The following ANKRD30A variants were observed in gnomAD, a reference collection of about 807,000 sequenced individuals.
ANKRD30A encodes ankyrin repeat domain 30A.
In ANKRD30A, 170 loss-of-function variants were observed where a neutral mutation model predicts 166.3. The ratio of observed to expected loss-of-function variants is 1.02; its 90% CI spans 0.90 to 1.16. The LOEUF is 1.16. Among genes scored for constraint, ANKRD30A ranks in the 50% most tolerant of loss-of-function variants. The pLI, the probability that ANKRD30A is intolerant of heterozygous loss-of-function variation, is 0.00. For synonymous variants in ANKRD30A, 564 were observed against 508.9 expected, an observed-to-expected ratio of 1.11 and a Z score of -1.46; for missense variants, 1,630 against 1,518.0, an observed-to-expected ratio of 1.07 and a Z score of -1.23.
At chr10:37,178,408 T>C in intron 24 of ANKRD30A, 4 of 579,974 alleles carry the variant, frequency 6.9e-6, no homozygotes, top group Non-Finnish European at 8.8e-6. Flanking sequence ...CTGAAAACCT[T>C]GTTAACAATT....
At chr10:37,195,321 A>T (rs1398798189) in intron 27 of ANKRD30A, among the ~76,000 whole-genome samples, 1 of 152,166 alleles carries the variant, frequency 6.6e-6, no homozygotes, top group South Asian at 2.1e-4. Context: ...TTGGTTACAG[A>T]TTCATTCTGT....
rs544159122 is a variant in ANKRD30A, at chr10:37,193,131, A to G, written c.2541+39A>G. On this transcript the variant is annotated intron_variant, in intron 26 of 35. Transcript: ENST00000361713. ...TATTTTTATCTTGAGTATTAACTAC[A>G]TATTTTATGAAGTATACATTGTATA... The G allele has an allele frequency of 2.5e-5, 40 of 1,605,976 alleles. 1 individual carries two copies. Among genetic ancestry groups the G allele is most frequent in the South Asian group, 1.5e-4 (14 of 90,484 alleles).
chr10:37,147,985 G>A (rs529579717), intron 9 of ANKRD30A, among the ~76,000 whole-genome samples: 1 of 152,294 alleles, frequency 6.6e-6, no homozygotes, highest in East Asian at 1.9e-4. Context: ...ATGCAGAATT[G>A]TGTTTTATTT....
chr10:37,129,149 T>C (rs1405809558), intron 1 of ANKRD30A, among the ~76,000 whole-genome samples: 1 of 152,206 alleles, frequency 6.6e-6, no homozygotes, highest in Non-Finnish European at 1.5e-5. Flanking sequence ...TCAGTGTTAA[T>C]CCTGTGACTA....
rs1842511501 is a variant in ANKRD30A at position 37,214,654 on chromosome 10, A to C, written c.2870-1527A>C. Among the ~76,000 whole-genome samples, 5 of 150,706 alleles carry C rather than the reference A, an allele frequency of 3.3e-5. No homozygotes were observed. In the South Asian group the frequency reaches 6.2e-4, roughly 19 times the overall value. On this transcript the variant is annotated intron_variant, in intron 31 of 35. Transcript: ENST00000361713. The stretch of plus-strand genomic sequence containing the variant: ...ATAAGTTTATTTGGTTATTAGGTAT[A>C]ACTCTTTGCTTTGCTGTCTTAGTGG...
chr10:37,142,732 G>A (rs1402349821), intron 7 of ANKRD30A, among the ~76,000 whole-genome samples: 6 of 151,798 alleles, frequency 4.0e-5, no homozygotes, highest in East Asian at 1.9e-4. Context: ...AGGATTACAC[G>A]TGCCCACCAC....
rs1437780561 is a variant in ANKRD30A, at chr10:37,216,192, C to T, written c.2881C>T (p.Leu961=). Residue 961 remains leucine, a synonymous_variant, in exon 32 of 36, where the codon CTA becomes TTA. Coordinates refer to ENST00000361713, the MANE Select transcript of ANKRD30A (RefSeq NM_052997.3). ...ISGKLEDSTS[L]SKILDTVHSC... ...CCTCCTTGAGACAGATTCAACTAGC[C>T]TATCAAAAATCTTGGATACAGTTCA... The T allele has an allele frequency of 2.5e-6, 4 of 1,596,990 alleles. No homozygotes were observed. The highest frequency in any genetic ancestry group is 3.4e-6 in the Non-Finnish European group (4 of 1,169,098).
At chr10:37,200,756 C>T (rs188947064) in intron 30 of ANKRD30A, among the ~76,000 whole-genome samples, 7 of 152,062 alleles carry the variant, frequency 4.6e-5, no homozygotes, top group Admixed American at 4.6e-4. Context: ...TCTGTACATA[C>T]ATTCTATGAC....
At chr10:37,139,153 A>G (rs949817449) in intron 6 of ANKRD30A, among the ~76,000 whole-genome samples, 16 of 152,250 alleles carry the variant, frequency 1.1e-4, no homozygotes, top group Admixed American at 3.3e-4. Flanking sequence ...GAGAAATAAA[A>G]TACTTTACAG....
chr10:37,252,304 T>C, the ANKRD30A span, among the ~76,000 whole-genome samples: 1 of 152,210 alleles, frequency 6.6e-6, no homozygotes, highest in Non-Finnish European at 1.5e-5. Context: ...TGGATACTTA[T>C]ATATAGGCAT....
At chr10:37,133,782 T>C in intron 4 of ANKRD30A, 134 bp from the exon 5 acceptor site, 2 of 1,062,666 alleles carry the variant, frequency 1.9e-6, no homozygotes, top group Non-Finnish European at 2.7e-6. Flanking sequence ...TTGGTGGTGA[T>C]TTACAAGGAT....
intron 27 of ANKRD30A, among the ~76,000 whole-genome samples, chr10:37,196,101 T>TA (rs1841077545): frequency 6.7e-6 from 1 of 148,236 alleles, no homozygotes; most frequent in Non-Finnish European, 1.5e-5. Flanking sequence ...CTATTTTTTT[T>TA]TTTTTTTTTT....
intron 31 of ANKRD30A, among the ~76,000 whole-genome samples, chr10:37,203,143 G>C (rs1215861769): frequency 1.3e-5 from 2 of 152,110 alleles, no homozygotes; most frequent in African/African-American, 4.8e-5. Flanking sequence ...TATGAGGCCA[G>C]CATCATCCTG....
At chr10:37,204,260 A>G (rs1841840400) in intron 31 of ANKRD30A, among the ~76,000 whole-genome samples, 1 of 152,188 alleles carries the variant, frequency 6.6e-6, no homozygotes, top group Admixed American at 6.5e-5. Context: ...ACAGTAACCA[A>G]AACAGCATGG....
intron 34 of ANKRD30A, among the ~76,000 whole-genome samples, chr10:37,223,135 TAA>T (rs1842970511): frequency 1.3e-5 from 2 of 151,376 alleles, no homozygotes; most frequent in Non-Finnish European, 3.0e-5. Context: ...GTCTGCATTT[TAA>T]AAGTTTCAAA....
Position 37,125,714 on chromosome 10 carries a change from G to T in ANKRD30A, c.-74G>T. ...GGACTGAAGAAGGGCGAGGGCGATT[G>T]GGGAGGGGTGGGGGGTGGTGGCTGG... On this transcript the variant is annotated 5_prime_UTR_variant, in exon 1 of 36. Coordinates refer to ENST00000361713, the MANE Select transcript of ANKRD30A (RefSeq NM_052997.3). The T allele has an allele frequency of 1.8e-6, 1 of 555,564 alleles. No individual in the cohort carries two copies. The allele number at this position is 555,564 out of a possible 1,614,324, so 34.4% of individuals were successfully genotyped here.
At chr10:37,229,943 A>G (rs1374276009) in intron 34 of ANKRD30A, among the ~76,000 whole-genome samples, 1 of 151,980 alleles carries the variant, frequency 6.6e-6, no homozygotes, top group Non-Finnish European at 1.5e-5. Flanking sequence ...AATGTGTTAC[A>G]AACAAATTCA....
intron 27 of ANKRD30A, among the ~76,000 whole-genome samples, chr10:37,194,859 G>A (rs1241312094): frequency 6.6e-6 from 1 of 152,058 alleles, no homozygotes; most frequent in Admixed American, 6.6e-5. Context: ...ATATCACAGA[G>A]CTTTTACTGA....
chr10:37,125,669 C>A lies in ANKRD30A; in HGVS notation c.-119C>A, dbSNP rs575115805. 8 of 398,758 alleles carry A rather than the reference C, an allele frequency of 2.0e-5. No individual in the cohort carries two copies. The highest frequency in any genetic ancestry group is 9.1e-5 in the East Asian group (2 of 22,098). 24.7% of individuals were successfully genotyped at this position (398,758 alleles called of 1,614,324 possible). On this transcript the variant is annotated 5_prime_UTR_variant, in exon 1 of 36. Transcript: ENST00000361713. ...AGCTTGGCGAACACAGAACTTTTTA[C>A]GGGTATCGAGGCGGTGCGTGGACTG... is the stretch of plus-strand genomic sequence containing the variant.
Sources: gnomAD v4.1 joint callset for allele counts (sites outside exome capture counted in the v4.1 genomes callset) on GRCh38, gnomAD v4.1.1 for gene constraint, MANE v1.5 for transcripts, NCBI Gene and HGNC (gene_info 2026-07-23, HGNC 2026-07-21) for gene names.